The following CSMD1 variants were observed in gnomAD, a reference collection of about 807,000 sequenced individuals.
CSMD1 encodes the protein CUB and Sushi multiple domains 1.
In CSMD1, 213 loss-of-function variants were observed where a neutral mutation model predicts 417.5. The observed-to-expected ratio is 0.51, with a 90% CI of 0.46 to 0.57. The LOEUF is 0.57. CSMD1 is among the 20% of genes least tolerant of loss of function. The probability of loss-of-function intolerance (pLI) is 0.00; values close to 1 mark genes in which losing one functional copy is unlikely to be tolerated. For synonymous variants in CSMD1, 2,862 were observed against 1,736.8 expected, an observed-to-expected ratio of 1.65 and a Z score of -16.11; for missense variants, 6,923 against 4,529.7, an observed-to-expected ratio of 1.53 and a Z score of -15.17.
chr8:3,680,718 G>A (rs564987336), intron 7 of CSMD1, among the ~76,000 whole-genome samples: 36 of 152,056 alleles, frequency 2.4e-4, no homozygotes, highest in African/African-American at 6.3e-4. Flanking sequence ...TACCAAAGCC[G>A]GGCAGAGACA....
chr8:3,023,311 G>A (rs1345754058), intron 51 of CSMD1, among the ~76,000 whole-genome samples: 1 of 152,162 alleles, frequency 6.6e-6, no homozygotes, highest in Admixed American at 6.5e-5. Context: ...CAGTGTGTGT[G>A]TATAAAATTA....
chr8:3,864,469 G>A (rs1377621307), intron 5 of CSMD1, among the ~76,000 whole-genome samples: 1 of 152,140 alleles, frequency 6.6e-6, no homozygotes, highest in African/African-American at 2.4e-5. Flanking sequence ...GAGGGAGGAA[G>A]ACACTTTTTT....
Position 3,827,035 on chromosome 8 carries a change from G to C in CSMD1, c.819-72993C>G, listed in dbSNP as rs544689368. 7.2e-5 allele frequency among the ~76,000 whole-genome samples: 11 copies of C among 152,166 alleles called. No individual in the cohort carries two copies. In the East Asian group the frequency reaches 1.7e-3, roughly 24 times the overall value. On this transcript the variant is annotated intron_variant, in intron 5 of 69. Transcript: ENST00000635120. Reference sequence around the variant, plus strand: ...GATATGAAGTGATCCTCCCATCTTGGCCTTTTGAAGTGTTGACATTATAGG... The same window carrying C: ...GATATGAAGTGATCCTCCCATCTTGCCCTTTTGAAGTGTTGACATTATAGG...
At chr8:3,932,596 C>T (rs564449536) in intron 5 of CSMD1, among the ~76,000 whole-genome samples, 1 of 150,508 alleles carries the variant, frequency 6.6e-6, no homozygotes, top group African/African-American at 2.4e-5. Context: ...GTTAAAAATC[C>T]ACAAACAGTA....
intron 6 of CSMD1, among the ~76,000 whole-genome samples, chr8:3,736,098 C>G (rs913102414): frequency 2.0e-5 from 3 of 152,118 alleles, no homozygotes; most frequent in Non-Finnish European, 2.9e-5. Flanking sequence ...GTTTCCAACA[C>G]TGTTGTATGC....
chr8:4,086,710 G>A (rs1464602567), intron 3 of CSMD1, among the ~76,000 whole-genome samples: 2 of 152,166 alleles, frequency 1.3e-5, no homozygotes, highest in African/African-American at 4.8e-5. Flanking sequence ...AGGTACCCAG[G>A]TAGATAGATG....
intron 2 of CSMD1, among the ~76,000 whole-genome samples, chr8:4,574,557 C>G (rs1296324544): frequency 6.6e-6 from 1 of 152,200 alleles, no homozygotes; most frequent in Non-Finnish European, 1.5e-5. Context: ...CAGACGGGAG[C>G]TGTTCCTATT....
At chr8:3,663,512 G>C (rs1269551555) in intron 7 of CSMD1, among the ~76,000 whole-genome samples, 6 of 152,088 alleles carry the variant, frequency 3.9e-5, no homozygotes, top group Non-Finnish European at 8.8e-5. Flanking sequence ...AAATCACTGA[G>C]CTACAGGGAA....
intron 5 of CSMD1, among the ~76,000 whole-genome samples, chr8:3,864,550 G>T (rs956926553): frequency 5.3e-5 from 8 of 152,170 alleles, no homozygotes; most frequent in Non-Finnish European, 1.0e-4. Context: ...CATGTGCCAT[G>T]TTGGTGTACT....
In CSMD1 at chr8:3,158,016, T is replaced by A; in HGVS notation, c.5845-50A>T. On this transcript the variant is annotated intron_variant, in intron 38 of 69. Transcript: ENST00000635120. ...ATACATATAACTAAAAACAGAGTAT[T>A]TAAGGATTAAATGTTTGAGAATATC... is the stretch of plus-strand genomic sequence containing the variant. 2.2e-6 allele frequency: 3 copies of A among 1,394,486 alleles called. No individual in the cohort carries two copies. The South Asian group carries it at 3.8e-5, about 18-fold the overall frequency. The allele number at this position is 1,394,486 out of a possible 1,614,324, so 86.4% of individuals were successfully genotyped here.
chr8:4,643,576 A>AT (rs1220517319), intron 1 of CSMD1, among the ~76,000 whole-genome samples: 1 of 152,268 alleles, frequency 6.6e-6, no homozygotes, highest in African/African-American at 2.4e-5. Flanking sequence ...TTTTCAGTGA[A>AT]TTTTTTTATT....
intron 52 of CSMD1, among the ~76,000 whole-genome samples, chr8:3,006,188 T>G (rs13265424): frequency 0.061 from 9,199 of 151,344 alleles, 292 homozygotes; most frequent in Admixed American, 0.083. Context: ...TCAAAGAGAA[T>G]AAAATACCTA....
intron 1 of CSMD1, among the ~76,000 whole-genome samples, chr8:4,737,541 G>A (rs1243403704): frequency 1.3e-5 from 2 of 152,062 alleles, no homozygotes; most frequent in Non-Finnish European, 2.9e-5. Flanking sequence ...CATGATTGAT[G>A]ATTTCCCTTA....
In CSMD1 at chr8:4,013,295, C is replaced by T. The variant is rs559478635; in HGVS notation, c.611-15185G>A. On this transcript the variant is annotated intron_variant, in intron 4 of 69. Coordinates refer to ENST00000635120, the MANE Select transcript of CSMD1 (RefSeq NM_033225.6). Reference sequence around the variant, plus strand: ...ATCCCATCTGCTCAGGCCACACTGCCGTTGCTCTATTCTTCGTTCACTCAC... The same window carrying T: ...ATCCCATCTGCTCAGGCCACACTGCTGTTGCTCTATTCTTCGTTCACTCAC... Among the ~76,000 whole-genome samples the T allele has an allele frequency of 1.3e-5, 2 of 152,256 alleles. 1 individual carries two copies. Among genetic ancestry groups the T allele is most frequent in the Middle Eastern group, 6.8e-3 (2 of 294 alleles).
intron 8 of CSMD1, among the ~76,000 whole-genome samples, chr8:3,608,671 G>A (rs1396152784): frequency 1.3e-5 from 2 of 151,472 alleles, no homozygotes; most frequent in African/African-American, 4.9e-5. Flanking sequence ...GGCTGAGGCA[G>A]GAGAATTGCT....
intron 7 of CSMD1, among the ~76,000 whole-genome samples, chr8:3,617,161 G>C (rs571424942): frequency 8.6e-5 from 13 of 152,014 alleles, no homozygotes; most frequent in South Asian, 2.1e-4. Flanking sequence ...AGAGAAGAAA[G>C]TCTTCACTTA....
At chr8:4,067,486 T>G (rs917779350) in intron 3 of CSMD1, among the ~76,000 whole-genome samples, 28 of 152,188 alleles carry the variant, frequency 1.8e-4, no homozygotes, top group East Asian at 3.9e-4. Flanking sequence ...TAAATTACTT[T>G]TTTTTTTAAT....
chr8:3,851,021 G>A (rs1275205004), intron 5 of CSMD1, among the ~76,000 whole-genome samples: 2 of 152,134 alleles, frequency 1.3e-5, no homozygotes, highest in Admixed American at 6.5e-5. Context: ...TGTTTTTCCT[G>A]CAGTGATGCT....
chr8:4,111,021 A>T lies in CSMD1; in HGVS notation c.416-78922T>A, dbSNP rs181165067. ...CACTAAGAGATGCCTGCAATCAGGG[A>T]CTCCCTGCGAAAGGAAATAACTTAA... is the stretch of plus-strand genomic sequence containing the variant. On this transcript the variant is annotated intron_variant, in intron 3 of 69. Coordinates refer to ENST00000635120, the MANE Select transcript of CSMD1 (RefSeq NM_033225.6). Among the ~76,000 whole-genome samples, 3 of 152,198 alleles carry T rather than the reference A, an allele frequency of 2.0e-5. No individual in the cohort carries two copies. The East Asian group carries it at 5.8e-4, about 29-fold the overall frequency.
Sources: gnomAD v4.1 joint callset for allele counts (sites outside exome capture counted in the v4.1 genomes callset) on GRCh38, gnomAD v4.1.1 for gene constraint, MANE v1.5 for transcripts, NCBI Gene and HGNC (gene_info 2026-07-23, HGNC 2026-07-21) for gene names.